Variants in CRMP1 observed in about 807,000 individuals in gnomAD.
CRMP1 encodes dihydropyrimidinase-related protein 1.
CRMP1 carries 19 observed loss-of-function variants against 68.3 expected under a neutral mutation model. The observed-to-expected ratio is 0.28, with a 90% CI of 0.19 to 0.41. The LOEUF is 0.41. Ranked by LOEUF, CRMP1 falls within the 10% of genes least tolerant of loss-of-function variation. The pLI, the probability that CRMP1 is intolerant of heterozygous loss-of-function variation, is 1.00. For missense variants in CRMP1, 791 were observed against 967.4 expected (o/e 0.82, Z 2.42); for synonymous variants, 439 against 399.6 (o/e 1.10, Z -1.18).
intron 1 of CRMP1, among the ~76,000 whole-genome samples, chr4:5,869,448 C>T (rs1417582581): frequency 6.6e-6 from 1 of 151,600 alleles, no homozygotes; most frequent in South Asian, 2.1e-4. Context: ...TTTGGGAGGC[C>T]GAGGCAGGTG....
chr4:5,821,778 G>A lies in CRMP1; in HGVS notation c.2043C>T (p.Asn681=). The change falls in exon 14 of 14, where the codon AAC becomes AAT. Residue 681 remains asparagine, a synonymous_variant. Transcript: ENST00000324989. This position sits in a 1 kb window ranked among gnomAD's most constrained non-coding sequence, Gnocchi z 4.4. The stretch of plus-strand genomic sequence containing the variant: ...TCCACGTTCAACCGAGGCTGGTGAT[G>A]TTGGAGCGGCCACCAGGGGGCGCCA... ...RIVAPPGGRS[N]ITSLG The A allele has an allele frequency of 6.2e-7, 1 of 1,610,940 alleles. No homozygotes were observed. Among genetic ancestry groups the A allele is most frequent in the Non-Finnish European group, 8.5e-7 (1 of 1,178,588 alleles).
rs1288610216 is a variant in CRMP1 at position 5,891,210 on chromosome 4, A to ACACACACC, written c.381+1378_381+1379insGGTGTGTG. Reference sequence around the variant, plus strand: ...CACACACACACACACACACACACACACACCCTTGCTGTTGGACCTCTCCCT... The same window carrying ACACACACC: ...CACACACACACACACACACACACACACACACACCCACCCTTGCTGTTGGACCTCTCCCT... On this transcript the variant is annotated intron_variant, in intron 1 of 13. Coordinates refer to ENST00000324989, the MANE Select transcript of CRMP1 (RefSeq NM_001014809.3). This position sits in a 1 kb window ranked among gnomAD's most constrained non-coding sequence, Gnocchi z 5.2. 2.0e-5 allele frequency among the ~76,000 whole-genome samples: 3 copies of ACACACACC among 150,568 alleles called. No individual in the cohort carries two copies. Among genetic ancestry groups the ACACACACC allele is most frequent in the Non-Finnish European group, 4.4e-5 (3 of 67,638 alleles).
rs534544877 is a variant in CRMP1, at chr4:5,840,266, G to A, written c.1154-588C>T. On this transcript the variant is annotated intron_variant, in intron 8 of 13. Transcript: ENST00000324989. ...GATGTGTTTCTGTCAGCCCAGTGCC[G>A]GAGGGCGGCTTCCCGAGCACTAACT... 1.9e-4 allele frequency among the ~76,000 whole-genome samples: 29 copies of A among 152,354 alleles called. No individual in the cohort carries two copies. The East Asian group carries it at 4.1e-3, about 21-fold the overall frequency.
rs1312446005 is a variant in CRMP1, at chr4:5,843,064, G to C, written c.1032+29C>G. ...GGTGAGTGCTCAGTGGTGAGTGTCA[G>C]AGTCATGCCCAAGTTGAGGAGTCCT... On this transcript the variant is annotated intron_variant, in intron 7 of 13. Transcript: ENST00000324989. The surrounding 1 kb of genome is among the most constrained non-coding windows in gnomAD (Gnocchi z 4.1). 3 of 1,609,428 alleles carry C rather than the reference G, an allele frequency of 1.9e-6. No individual in the cohort carries two copies. The highest frequency in any genetic ancestry group is 2.7e-5 in the African/African-American group (2 of 74,848).
rs1466020668 is a variant in CRMP1, at chr4:5,850,839, A to T, written c.882+569T>A. Among the ~76,000 whole-genome samples the T allele has an allele frequency of 6.6e-6, 1 of 151,922 alleles. No homozygotes were observed. The highest frequency in any genetic ancestry group is 2.4e-5 in the African/African-American group (1 of 41,338). On this transcript the variant is annotated intron_variant, in intron 5 of 13. Coordinates refer to ENST00000324989, the MANE Select transcript of CRMP1 (RefSeq NM_001014809.3). This position sits in a 1 kb window ranked among gnomAD's most constrained non-coding sequence, Gnocchi z 4.4. Reference sequence around the variant, plus strand: ...GCCAGGTGTCCTGTAAGTCGTAACCACTCCTCCTGAAGAACAACTTGCGGC... The same window carrying T: ...GCCAGGTGTCCTGTAAGTCGTAACCTCTCCTCCTGAAGAACAACTTGCGGC...
intron 3 of CRMP1, among the ~76,000 whole-genome samples, chr4:5,857,870 A>T (rs1342789007): frequency 6.6e-6 from 1 of 152,072 alleles, no homozygotes; most frequent in Non-Finnish European, 1.5e-5. Context: ...TGTAAAGTAG[A>T]TGAGAAAGGG....
Position 5,888,369 on chromosome 4 carries a change from G to A in CRMP1, c.381+4220C>T. On this transcript the variant is annotated intron_variant, in intron 1 of 13. Transcript: ENST00000324989. The surrounding 1 kb of genome is among the most constrained non-coding windows in gnomAD (Gnocchi z 6.4). ...CCAGCGGGCGCGCTGACAAAGGCCC[G>A]GGAGGGATAGAGACACGGACGGAGG... 8.1e-7 allele frequency: 1 copy of A among 1,228,272 alleles called. No individual in the cohort carries two copies. The highest frequency in any genetic ancestry group is 1.0e-6 in the Non-Finnish European group (1 of 983,230). 76.1% of individuals were successfully genotyped at this position (1,228,272 alleles called of 1,614,324 possible).
chr4:5,857,228 TCATCAC>T (rs1375896351), intron 3 of CRMP1, among the ~76,000 whole-genome samples: 2 of 150,674 alleles, frequency 1.3e-5, no homozygotes, highest in African/African-American at 2.5e-5. Flanking sequence ...AGCACCACCA[TCATCAC>T]CATCACCATC....
chr4:5,822,971 C>G (rs1220621537), intron 13 of CRMP1, among the ~76,000 whole-genome samples: 1 of 152,200 alleles, frequency 6.6e-6, no homozygotes, highest in Non-Finnish European at 1.5e-5. Context: ...TCTTGCTGAC[C>G]TACCCACTGT....
At position 5,836,747 on chromosome 4, in the gene CRMP1, G is replaced by A. The variant is rs1182119749; in HGVS notation, c.1452+18C>T. ...TAGAGTGTTTCTAGAATGCTCCTGA[G>A]AAGAGATCCAGCCTTACCACCGCCT... On this transcript the variant is annotated intron_variant, in intron 10 of 13. Coordinates refer to ENST00000324989, the MANE Select transcript of CRMP1 (RefSeq NM_001014809.3). The A allele has an allele frequency of 6.2e-7, 1 of 1,614,038 alleles. No individual in the cohort carries two copies. The highest frequency in any genetic ancestry group is 1.7e-5 in the Admixed American group (1 of 60,016).
rs1396484148 is a variant in CRMP1, at chr4:5,879,965, G to A, written c.381+12624C>T. 6.6e-6 allele frequency among the ~76,000 whole-genome samples: 1 copy of A among 152,204 alleles called. No individual in the cohort carries two copies. The highest frequency in any genetic ancestry group is 2.4e-5 in the African/African-American group (1 of 41,448). ...AGGAATAAAGAATTGGAGTGGTTTT[G>A]GAAAAGAGAAGGTCCTAAGTAATGG... On this transcript the variant is annotated intron_variant, in intron 1 of 13. Coordinates refer to ENST00000324989, the MANE Select transcript of CRMP1 (RefSeq NM_001014809.3). This position sits in a 1 kb window ranked among gnomAD's most constrained non-coding sequence, Gnocchi z 4.2.
At chr4:5,868,086 T>C (rs571621875) in intron 1 of CRMP1, among the ~76,000 whole-genome samples, 2 of 151,964 alleles carry the variant, frequency 1.3e-5, no homozygotes, top group Non-Finnish European at 2.9e-5. Flanking sequence ...GCCACAAACA[T>C]GTTTATGCAT....
At chr4:5,837,688 A>AAAAT (rs1720821988) in intron 9 of CRMP1, among the ~76,000 whole-genome samples, 1 of 150,042 alleles carries the variant, frequency 6.7e-6, no homozygotes, top group African/African-American at 2.5e-5. Context: ...TAAATAAAAT[A>AAAAT]AAATAAAATA....
In CRMP1 at chr4:5,890,357, G is replaced by A. The variant is rs1011062693; in HGVS notation, c.381+2232C>T. On this transcript the variant is annotated intron_variant, in intron 1 of 13. Coordinates refer to ENST00000324989, the MANE Select transcript of CRMP1 (RefSeq NM_001014809.3). The surrounding 1 kb of genome is among the most constrained non-coding windows in gnomAD (Gnocchi z 5.5). ...AAAGCGCCGCAGCCGCTCAGCCTCC[G>A]GCAGCGGCAATCCTTGCGCCTGCGC... is the stretch of plus-strand genomic sequence containing the variant. Among the ~76,000 whole-genome samples, 2 of 152,186 alleles carry A rather than the reference G, an allele frequency of 1.3e-5. No individual in the cohort carries two copies. The highest frequency in any genetic ancestry group is 2.9e-5 in the Non-Finnish European group (2 of 68,030).
chr4:5,823,874 A>C (rs1719096174), intron 13 of CRMP1, among the ~76,000 whole-genome samples: 1 of 152,240 alleles, frequency 6.6e-6, no homozygotes, highest in Non-Finnish European at 1.5e-5. Context: ...CTCATGGTAC[A>C]GCTCTATAAC....
At position 5,835,871 on chromosome 4, in the gene CRMP1, C is replaced by T. The variant is rs369142243; in HGVS notation, c.1623+44G>A. ...AACCAGTCTTTAAAAATGATTACAA[C>T]GAAGAATCACTTATCTCAGCAGCAC... On this transcript the variant is annotated intron_variant, in intron 11 of 13. Transcript: ENST00000324989. The T allele has an allele frequency of 6.7e-5, 93 of 1,382,628 alleles. 1 individual carries two copies. The African/African-American group carries it at 8.9e-4, about 13-fold the overall frequency. The allele number at this position is 1,382,628 out of a possible 1,614,324, so 85.6% of individuals were successfully genotyped here. A position where few individuals can be genotyped will look rare whatever the true frequency, so the allele number is the denominator to read the frequency against.
intron 12 of CRMP1, chr4:5,826,217 C>G (rs1018754429): frequency 2.7e-5 from 4 of 149,846 alleles, no homozygotes; most frequent in African/African-American, 1.1e-4. Flanking sequence ...TACCACCTAC[C>G]CACCCCCGGA....
In CRMP1 at chr4:5,825,779, C is replaced by T. The variant is rs1719474819; in HGVS notation, c.1804-120G>A. ...TGAGGTCACTTCAAATGTGCATGCACACACACACACAACACGCACACACGA... is the reference window on the plus strand; with the variant it reads ...TGAGGTCACTTCAAATGTGCATGCATACACACACACAACACGCACACACGA... On this transcript the variant is annotated intron_variant, in intron 12 of 13. Transcript: ENST00000324989. The surrounding 1 kb of genome is among the most constrained non-coding windows in gnomAD (Gnocchi z 4.4). 8 of 820,716 alleles carry T rather than the reference C, an allele frequency of 9.7e-6. No homozygotes were observed. The East Asian group carries it at 2.3e-4, about 24-fold the overall frequency. 50.8% of individuals were successfully genotyped at this position (820,716 alleles called of 1,614,324 possible). A position where few individuals can be genotyped will look rare whatever the true frequency, so the allele number is the denominator to read the frequency against.
chr4:5,835,508 C>T (rs1720670256), intron 11 of CRMP1, among the ~76,000 whole-genome samples: 1 of 152,242 alleles, frequency 6.6e-6, no homozygotes, highest in Non-Finnish European at 1.5e-5. Context: ...CAGCCAGCCA[C>T]AAAACCGAGT....
Sources: allele counts gnomAD v4.1 joint callset (sites outside exome capture counted in the v4.1 genomes callset), GRCh38; gene constraint gnomAD v4.1.1; non-coding constraint Gnocchi (gnomAD v3.1); transcripts MANE v1.5; gene names NCBI Gene and HGNC (gene_info 2026-07-23, HGNC 2026-07-21).